Variants in ZC3H12D observed in about 807,000 individuals in gnomAD.
The protein encoded by ZC3H12D is probable ribonuclease ZC3H12D.
In ZC3H12D, 11 loss-of-function variants were observed where a neutral mutation model predicts 24.2. The observed-to-expected ratio is 0.46, with a 90% CI of 0.29 to 0.75. ZC3H12D has a LOEUF of 0.75. ZC3H12D is among the 30% of genes least tolerant of loss of function. ZC3H12D has a pLI of 0.11. For synonymous variants in ZC3H12D, 333 were observed against 341.8 expected (o/e 0.97, Z 0.28); for missense variants, 740 against 767.7 (o/e 0.96, Z 0.43).
intron 5 of ZC3H12D, 79 bp from the exon 6 acceptor site, chr6:149,451,558 G>A: frequency 7.8e-7 from 1 of 1,285,008 alleles, no homozygotes; most frequent in Non-Finnish European, 1.0e-6. Context: ...TGCATCCGGG[G>A]AGTGCCGGCC....
At chr6:149,484,715 G>C (rs1776472888) in intron 1 of ZC3H12D, 98 bp downstream of exon 1, 1 of 152,920 alleles carries the variant, frequency 6.5e-6, no homozygotes, top group African/African-American at 2.4e-5. Flanking sequence ...CCCTCCTCCT[G>C]CCTCTGCCCC....
rs113318491 is a variant in ZC3H12D, at chr6:149,460,731, A to G, written c.445+1100T>C. ...TGTAGTCCCAGCTACTCAGGAGGCT[A>G]AAGCAGGAGAATCGCTTGAACCTGA... On this transcript the variant is annotated intron_variant, in intron 3 of 5. Coordinates refer to ENST00000409806, the MANE Select transcript of ZC3H12D (RefSeq NM_207360.3). 8.1e-3 allele frequency among the ~76,000 whole-genome samples: 1,231 copies of G among 152,122 alleles called. 14 individuals carry two copies. The highest frequency in any genetic ancestry group is 0.028 in the African/African-American group (1,149 of 41,502).
intron 3 of ZC3H12D, among the ~76,000 whole-genome samples, chr6:149,460,701 G>A (rs900943382): frequency 1.8e-4 from 28 of 152,182 alleles, no homozygotes; most frequent in Admixed American, 5.9e-4. Context: ...GTGGTGGCAC[G>A]CGCCTGTAGT....
At chr6:149,469,108 C>T (rs1248473367) in intron 2 of ZC3H12D, among the ~76,000 whole-genome samples, 1 of 152,166 alleles carries the variant, frequency 6.6e-6, no homozygotes, top group Non-Finnish European at 1.5e-5. Context: ...CTAGATTTGC[C>T]TACAGAATGT....
intron 1 of ZC3H12D, among the ~76,000 whole-genome samples, chr6:149,478,892 G>A (rs956000778): frequency 5.3e-5 from 8 of 151,894 alleles, no homozygotes; most frequent in Admixed American, 1.3e-4. Flanking sequence ...GATCATGTTC[G>A]CCACCTGCTT....
intron 3 of ZC3H12D, among the ~76,000 whole-genome samples, chr6:149,457,646 T>C (rs1037728125): frequency 6.6e-6 from 1 of 152,196 alleles, no homozygotes; most frequent in East Asian, 1.9e-4. Context: ...GTGCGAGTTC[T>C]TGCAAAAACT....
intron 2 of ZC3H12D, among the ~76,000 whole-genome samples, chr6:149,471,934 A>C (rs1776250770): frequency 6.6e-6 from 1 of 152,382 alleles, no homozygotes; most frequent in African/African-American, 2.4e-5. Context: ...CAAAAACAGA[A>C]AATGGCAATG....
In ZC3H12D at chr6:149,455,214, G is replaced by C. The variant is rs144900419; in HGVS notation, c.680+1452C>G. Among the ~76,000 whole-genome samples the C allele has an allele frequency of 4.3e-3, 648 of 152,190 alleles. 6 individuals are homozygous for C. Among genetic ancestry groups the C allele is most frequent in the Non-Finnish European group, 5.9e-3 (399 of 67,992 alleles). On this transcript the variant is annotated intron_variant, in intron 4 of 5. Transcript: ENST00000409806. ...GTCCCTGGGTCCAGAGTCAGCAGCT[G>C]CTCAGCCGTGTGCAAGCAGCCTAAG...
At chr6:149,453,497 G>A (rs555299968) in intron 4 of ZC3H12D, among the ~76,000 whole-genome samples, 3 of 151,984 alleles carry the variant, frequency 2.0e-5, no homozygotes, top group South Asian at 2.1e-4. Context: ...GCATGGTGGC[G>A]GGCACCTGTA....
In ZC3H12D at chr6:149,451,366, C is replaced by T. The variant is rs756896128; in HGVS notation, c.901G>A (p.Ala301Thr). ...GGTGGCCGCTGCTCCTCGGCGCCCG[C>T]GCCAGGCCGGGCCCCTGTCTTGGCG... The part of the protein sequence containing the change: ...LRAKTGARPG[A>T]GAEEQRPPRA... Residue 301 changes from alanine to threonine, a missense_variant, in exon 6 of 6, where the codon GCG (alanine) becomes ACG (threonine). Physicochemically the swap from Ala to Thr is moderately conservative, Grantham distance 58. Coordinates refer to ENST00000409806, the MANE Select transcript of ZC3H12D (RefSeq NM_207360.3). 3 of 1,525,500 alleles carry T rather than the reference C, an allele frequency of 2.0e-6. No individual in the cohort carries two copies. The highest frequency in any genetic ancestry group is 1.2e-5 in the South Asian group (1 of 82,808). The allele number at this position is 1,525,500 out of a possible 1,614,324, so 94.5% of individuals were successfully genotyped here.
rs1430243019 is a variant in ZC3H12D at position 149,452,034 on chromosome 6, G to A, written c.788-555C>T. 1 of 153,154 alleles carries A rather than the reference G, an allele frequency of 6.5e-6. No individual in the cohort carries two copies. The highest frequency in any genetic ancestry group is 1.5e-5 in the Non-Finnish European group (1 of 68,762). 9.5% of individuals were successfully genotyped at this position (153,154 alleles called of 1,614,324 possible). On this transcript the variant is annotated intron_variant, in intron 5 of 5. Coordinates refer to ENST00000409806, the MANE Select transcript of ZC3H12D (RefSeq NM_207360.3). This position sits in a 1 kb window ranked among gnomAD's most constrained non-coding sequence, Gnocchi z 4.0. ...CTATCCAAACCCAAGGCTTCTGAGA[G>A]TGAAAGGGGGAAGGAGGAGTCAGCC...
At position 149,446,979 on chromosome 6, in the gene ZC3H12D, G is replaced by A. The variant is rs1775785379; in HGVS notation, c.*3704C>T. ...CCTCTGGTTTGATCAGTCGAGGAGA[G>A]CTCTGCTGCATGTTTGAACAAGAAG... On this transcript the variant is annotated 3_prime_UTR_variant, in exon 6 of 6. Transcript: ENST00000409806. 6.6e-6 allele frequency: 1 copy of A among 152,216 alleles called. No homozygotes were observed. The allele number at this position is 152,216 out of a possible 1,614,324, so 9.4% of individuals were successfully genotyped here.
chr6:149,456,616 G>GCCCCCCCCC lies in ZC3H12D; in HGVS notation c.680+49_680+50insGGGGGGGGG. ...AGGCGTGGCCACTGCCTCGACCCCGGCCCCCCGCCCCGCCGCCCCCCAGGG... is the reference window on the plus strand; with the variant it reads ...AGGCGTGGCCACTGCCTCGACCCCGGCCCCCCCCCCCCCCCGCCCCGCCGCCCCCCAGGG... On this transcript the variant is annotated intron_variant, in intron 4 of 5. Transcript: ENST00000409806. The surrounding 1 kb of genome is among the most constrained non-coding windows in gnomAD (Gnocchi z 4.3). The GCCCCCCCCC allele has an allele frequency of 3.5e-5, 39 of 1,130,382 alleles. No homozygotes were observed. The highest frequency in any genetic ancestry group is 4.6e-5 in the Non-Finnish European group (35 of 763,242). 70.0% of individuals were successfully genotyped at this position (1,130,382 alleles called of 1,614,324 possible).
At chr6:149,481,940 T>C (rs1314629694) in intron 1 of ZC3H12D, among the ~76,000 whole-genome samples, 1 of 152,248 alleles carries the variant, frequency 6.6e-6, no homozygotes, top group African/African-American at 2.4e-5. Context: ...CCAAGTTTCT[T>C]TTGTAACTTG....
chr6:149,475,661 G>T lies in ZC3H12D; in HGVS notation c.-70-1048C>A, dbSNP rs112384173. Among the ~76,000 whole-genome samples, 856 of 151,548 alleles carry T rather than the reference G, an allele frequency of 5.6e-3. 5 individuals are homozygous for T. Among genetic ancestry groups the T allele is most frequent in the African/African-American group, 0.02 (822 of 41,228 alleles). The stretch of plus-strand genomic sequence containing the variant: ...AACCTGGGAAGCGGAGTTGTGGTGA[G>T]CAGACATTGCGCCATTGCACTCCAG... On this transcript the variant is annotated intron_variant, in intron 1 of 5. Transcript: ENST00000409806.
chr6:149,484,417 C>T (rs1776469456), intron 1 of ZC3H12D, among the ~76,000 whole-genome samples: 1 of 152,134 alleles, frequency 6.6e-6, no homozygotes, highest in East Asian at 1.9e-4. Flanking sequence ...GGTGACAGGG[C>T]TCAAATGTGC....
chr6:149,459,004 A>T (rs1776031490), intron 3 of ZC3H12D, among the ~76,000 whole-genome samples: 1 of 152,196 alleles, frequency 6.6e-6, no homozygotes, highest in Admixed American at 6.5e-5. Flanking sequence ...GTAATCCTTC[A>T]TCAGTAATGT....
rs371797237 is a variant in ZC3H12D, at chr6:149,456,832, C to A, written c.514G>T (p.Gly172Cys). Residue 172 changes from glycine (G) to cysteine (C), a missense_variant, in exon 4 of 6, where the codon GGC (glycine) becomes TGC (cysteine). Transcript: ENST00000409806. This position sits in a 1 kb window ranked among gnomAD's most constrained non-coding sequence, Gnocchi z 4.3. ...LVYTPSRKVH[G>C]KRLVCYDDRY... ...TCGTCGTAGCAGACCAGGCGCTTGC[C>A]GTGCACCTTGCGGGACGGCGTGTAC... is the stretch of plus-strand genomic sequence containing the variant. The A allele has an allele frequency of 6.2e-7, 1 of 1,611,584 alleles. No individual in the cohort carries two copies. Among genetic ancestry groups the A allele is most frequent in the African/African-American group, 1.3e-5 (1 of 74,928 alleles).
At chr6:149,468,071 T>C (rs1193736923) in intron 2 of ZC3H12D, among the ~76,000 whole-genome samples, 1 of 152,126 alleles carries the variant, frequency 6.6e-6, no homozygotes, top group Non-Finnish European at 1.5e-5. Flanking sequence ...AACCTCCACC[T>C]CCCAGGTTCA....
Sources: gnomAD v4.1 joint callset for allele counts (sites outside exome capture counted in the v4.1 genomes callset) on GRCh38, gnomAD v4.1.1 for gene constraint, Gnocchi (gnomAD v3.1) non-coding constraint, MANE v1.5 for transcripts, NCBI Gene and HGNC (gene_info 2026-07-23, HGNC 2026-07-21) for gene names.